The following MCRIP2 variants were observed in gnomAD, a reference collection of about 807,000 sequenced individuals.
MCRIP2 encodes the protein MAPK regulated corepressor interacting protein 2, also known as MAPK regulated co-repressor interacting protein 2.
MCRIP2 carries 21 observed loss-of-function variants against 23.2 expected under a neutral mutation model. The ratio of observed to expected loss-of-function variants is 0.90; its 90% CI spans 0.64 to 1.30. The LOEUF is 1.30. Ranked by LOEUF, MCRIP2 falls within the 50% of genes most tolerant of loss-of-function variation. MCRIP2 has a pLI of 0.00. For synonymous variants in MCRIP2, 121 were observed against 100.2 expected (o/e 1.21, Z -1.24); for missense variants, 234 against 223.2 (o/e 1.05, Z -0.31).
At chr16:644,667 T>TGG (rs2037433137) in intron 2 of MCRIP2, among the ~76,000 whole-genome samples, 2 of 152,110 alleles carry the variant, frequency 1.3e-5, no homozygotes, top group African/African-American at 4.8e-5. Flanking sequence ...ATTCAATTCC[T>TGG]GGGCTCGAGC....
At position 641,954 on chromosome 16, in the gene MCRIP2, C is replaced by G. The variant is rs1282758751; in HGVS notation, c.-38C>G. On this transcript the variant is annotated 5_prime_UTR_variant, in exon 1 of 5. It adds an upstream start codon to the 5' untranslated region. Coordinates refer to ENST00000307650, the MANE Select transcript of MCRIP2 (RefSeq NM_138418.4). ...GCGAGCCCCGGCGCAGGGGCCGGAT[C>G]TGGCCGGGGGCCGGCGGCGGTGTGG... The G allele has an allele frequency of 3.1e-6, 4 of 1,296,968 alleles. No individual in the cohort carries two copies. Among genetic ancestry groups the G allele is most frequent in the Admixed American group, 4.1e-5 (1 of 24,106 alleles). The allele number at this position is 1,296,968 out of a possible 1,614,324, so 80.3% of individuals were successfully genotyped here.
chr16:644,414 C>G lies in MCRIP2; in HGVS notation c.182+2165C>G, dbSNP rs1052451719. 2.0e-5 allele frequency among the ~76,000 whole-genome samples: 3 copies of G among 152,244 alleles called. No homozygotes were observed. The East Asian group carries it at 5.8e-4, about 29-fold the overall frequency. On this transcript the variant is annotated intron_variant, in intron 2 of 4. Coordinates refer to ENST00000307650, the MANE Select transcript of MCRIP2 (RefSeq NM_138418.4). ...TCCCTCTGAACCACCCCACCCCATG[C>G]TGCCACCCACCTCGCTGTTTTTTAC...
At chr16:643,540 CTTTTTTT>C (rs869168510) in intron 2 of MCRIP2, among the ~76,000 whole-genome samples, 4 of 119,426 alleles carry the variant, frequency 3.3e-5, no homozygotes, top group Non-Finnish European at 5.1e-5. Context: ...GCTGTTGTCT[CTTTTTTT>C]TTTTTTTTTT....
intron 2 of MCRIP2, chr16:645,572 C>G (rs1016886798): frequency 2.0e-5 from 3 of 152,218 alleles, no homozygotes; most frequent in African/African-American, 7.2e-5. Flanking sequence ...ACACCTTTGA[C>G]AAGTTCTTCC....
rs1045657722 is a variant in MCRIP2, at chr16:641,985, G to A, written c.-7G>A. On this transcript the variant is annotated 5_prime_UTR_variant, in exon 1 of 5. Coordinates refer to ENST00000307650, the MANE Select transcript of MCRIP2 (RefSeq NM_138418.4). ...GGGGGCCGGCGGCGGTGTGGGAGCG[G>A]CGCGTCATGTACACCATCACCAAGG... is the stretch of plus-strand genomic sequence containing the variant. 1 of 1,318,024 alleles carries A rather than the reference G, an allele frequency of 7.6e-7. No homozygotes were observed. The highest frequency in any genetic ancestry group is 2.0e-5 in the South Asian group (1 of 49,662). The allele number at this position is 1,318,024 out of a possible 1,614,324, so 81.6% of individuals were successfully genotyped here.
In MCRIP2 at chr16:644,540, T is replaced by C. The variant is rs564884799; in HGVS notation, c.182+2291T>C. Among the ~76,000 whole-genome samples, 6 of 152,100 alleles carry C rather than the reference T, an allele frequency of 3.9e-5. 1 individual carries two copies. In the East Asian group the frequency reaches 1.2e-3, roughly 29 times the overall value. ...CTCACTGCAGCCTCAACCTCCCAGG[T>C]TCAAGTGATCCTCCCACCTCTCGAC... is the stretch of plus-strand genomic sequence containing the variant. On this transcript the variant is annotated intron_variant, in intron 2 of 4. Transcript: ENST00000307650.
At position 647,688 on chromosome 16, in the gene MCRIP2, C is replaced by A. The variant is rs1038866224; in HGVS notation, c.311-95C>A. ...TCTGCCCTTGTGTCCTGTGACCAGC[C>A]CTGTGTGGGGCTGGAGTCCAGGGTG... is the stretch of plus-strand genomic sequence containing the variant. On this transcript the variant is annotated intron_variant, in intron 3 of 4. Transcript: ENST00000307650. The A allele has an allele frequency of 5.0e-5, 76 of 1,513,128 alleles. No individual in the cohort carries two copies. In the Admixed American group the frequency reaches 1.5e-3, roughly 29 times the overall value. 93.7% of individuals were successfully genotyped at this position (1,513,128 alleles called of 1,614,324 possible). A position where few individuals can be genotyped will look rare whatever the true frequency, so the allele number is the denominator to read the frequency against.
At chr16:642,409 A>G in intron 2 of MCRIP2, 160 bp downstream of exon 2, 2 of 604,400 alleles carry the variant, frequency 3.3e-6, no homozygotes, top group Non-Finnish European at 4.4e-6. Flanking sequence ...GGTCCTGCCC[A>G]CTACGCGCCC....
In MCRIP2 at chr16:642,122, C is replaced by T. The variant is rs1180082928; in HGVS notation, c.55C>T (p.Pro19Ser). ...TGACCGCCCCCCGGTGCCCGCAGGT[C>T]CCACGCAGCAGCAGGTGGAGGGCCG... ...SKLVAQRRTG[P>S]TQQQVEGRLG... Residue 19 changes from proline to serine, a missense_variant and splice_region_variant, in exon 2 of 5, where the codon CCC (proline) becomes TCC (serine). Transcript: ENST00000307650. 6 of 1,365,854 alleles carry T rather than the reference C, an allele frequency of 4.4e-6. No individual in the cohort carries two copies. The highest frequency in any genetic ancestry group is 5.7e-6 in the Non-Finnish European group (6 of 1,058,978). The allele number at this position is 1,365,854 out of a possible 1,614,324, so 84.6% of individuals were successfully genotyped here.
chr16:648,059 A>G (rs1479492570), intron 4 of MCRIP2, 61 bp from the exon 5 acceptor site: 14 of 1,506,186 alleles, frequency 9.3e-6, no homozygotes, highest in Non-Finnish European at 1.3e-5. Context: ...GGTTAGCTCC[A>G]GGGGAGACTT....
At chr16:647,393 T>G (rs200589495) in intron 2 of MCRIP2, 24 bp from the exon 3 acceptor site, 1 of 1,611,516 alleles carries the variant, frequency 6.2e-7, no homozygotes, top group Non-Finnish European at 8.5e-7. Flanking sequence ...GCACCAACCA[T>G]GTCCGTCTCC....
Position 648,371 on chromosome 16 carries a change from C to T in MCRIP2, c.*181C>T, listed in dbSNP as rs1241734916. ...CAACCAAGCTGCCATGGCCAAGGGC[C>T]GAACCCGTCTGACCTCAGCCCTGCT... On this transcript the variant is annotated 3_prime_UTR_variant, in exon 5 of 5. Coordinates refer to ENST00000307650, the MANE Select transcript of MCRIP2 (RefSeq NM_138418.4). 7 of 672,994 alleles carry T rather than the reference C, an allele frequency of 1.0e-5. No homozygotes were observed. Among genetic ancestry groups the T allele is most frequent in the South Asian group, 1.8e-5 (1 of 56,974 alleles). 41.7% of individuals were successfully genotyped at this position (672,994 alleles called of 1,614,324 possible). A position where few individuals can be genotyped will look rare whatever the true frequency, so the allele number is the denominator to read the frequency against.
At chr16:643,540 CTTTTTTTTTTTTT>C (rs869168510) in intron 2 of MCRIP2, among the ~76,000 whole-genome samples, 2 of 119,426 alleles carry the variant, frequency 1.7e-5, no homozygotes, top group East Asian at 2.3e-4. Flanking sequence ...GCTGTTGTCT[CTTTTTTTTTTTTT>C]TTTTTTTTGG....
chr16:642,280 G>A, intron 2 of MCRIP2, 31 bp downstream of exon 2: 2 of 1,154,870 alleles, frequency 1.7e-6, no homozygotes, highest in Non-Finnish European at 1.1e-6. Context: ...GCCCGGCCCG[G>A]CCCGGCTTCC....
chr16:647,344 G>C (rs760649346), intron 2 of MCRIP2, 73 bp from the exon 3 acceptor site: 1 of 1,588,410 alleles, frequency 6.3e-7, no homozygotes, highest in East Asian at 2.2e-5. Flanking sequence ...GCCCGGGGCT[G>C]CTCCTGAGTT....
chr16:647,453 C>T lies in MCRIP2; in HGVS notation c.219C>T (p.Gly73=), dbSNP rs2037512730. ...GPRLVFNRVN[G]RRAPSTSPSF... is the part of the protein sequence containing the mutation. ...GGCTTGTGTTCAATCGTGTGAATGG[C>T]CGGCGGGCCCCCTCCACGTCCCCAT... The change falls in exon 3 of 5, where the codon GGC becomes GGT. Residue 73 remains glycine, a synonymous_variant. Coordinates refer to ENST00000307650, the MANE Select transcript of MCRIP2 (RefSeq NM_138418.4). 1 of 1,613,476 alleles carries T rather than the reference C, an allele frequency of 6.2e-7. No homozygotes were observed. The highest frequency in any genetic ancestry group is 1.1e-5 in the South Asian group (1 of 91,086).
In MCRIP2 at chr16:648,243, G is replaced by A. The variant is rs1233571617; in HGVS notation, c.*53G>A. 2.6e-6 allele frequency: 4 copies of A among 1,534,134 alleles called. No homozygotes were observed. The highest frequency in any genetic ancestry group is 2.3e-5 in the East Asian group (1 of 42,730). On this transcript the variant is annotated 3_prime_UTR_variant, in exon 5 of 5. Coordinates refer to ENST00000307650, the MANE Select transcript of MCRIP2 (RefSeq NM_138418.4). ...CGGCCGACCTGTCGCCAGGAGAGAA[G>A]CATGGCGCCCTGCCCACCCACTGCG...
At chr16:645,444 A>G (rs917491622) in intron 2 of MCRIP2, 1 of 151,546 alleles carries the variant, frequency 6.6e-6, no homozygotes, top group African/African-American at 2.4e-5. Context: ...TTTAGTAGAG[A>G]CAGAGTTTCA....
At chr16:645,018 G>A (rs1230858009) in intron 2 of MCRIP2, 1 of 152,120 alleles carries the variant, frequency 6.6e-6, no homozygotes, top group Non-Finnish European at 1.5e-5. Flanking sequence ...GAGTGCAGTG[G>A]TGTGATCTCA....
Sources: gnomAD v4.1 joint callset for allele counts (sites outside exome capture counted in the v4.1 genomes callset) on GRCh38, gnomAD v4.1.1 for gene constraint, MANE v1.5 for transcripts, NCBI Gene and HGNC (gene_info 2026-07-23, HGNC 2026-07-21) for gene names.